KLRG1: variants seen among roughly 807,000 people sequenced by gnomAD.
KLRG1 encodes killer cell lectin-like receptor subfamily G member 1.
Under a neutral mutation model 21.8 loss-of-function variants are expected in KLRG1, and 16 were observed. The observed-to-expected ratio is 0.73, with a 90% CI of 0.50 to 1.11. KLRG1 has a LOEUF of 1.11. Ranked by LOEUF, KLRG1 falls within the 50% of genes most tolerant of loss-of-function variation. KLRG1 has a pLI of 0.00. For missense variants in KLRG1, 173 were observed against 218.3 expected, an observed-to-expected ratio of 0.79 and a Z score of 1.31; for synonymous variants, 69 against 75.9, an observed-to-expected ratio of 0.91 and a Z score of 0.47.
the KLRG1 span, among the ~76,000 whole-genome samples, chr12:9,030,961 C>T: frequency 6.6e-6 from 1 of 152,214 alleles, no homozygotes; most frequent in Non-Finnish European, 1.5e-5. Context: ...AGTGAGCACA[C>T]CAGATAGCAT....
At chr12:9,136,597 T>A in the KLRG1 span, among the ~76,000 whole-genome samples, 1 of 152,326 alleles carries the variant, frequency 6.6e-6, no homozygotes, top group East Asian at 1.9e-4. Flanking sequence ...TATAGATGAA[T>A]ATATACACCA....
chr12:9,151,572 T>A, the KLRG1 span: 1 of 1,586,994 alleles, frequency 6.3e-7, no homozygotes, highest in Non-Finnish European at 8.6e-7. Context: ...ACGACCCATA[T>A]GTAGTCTCAG....
intron 1 of KLRG1, among the ~76,000 whole-genome samples, chr12:8,956,745 C>A (rs1183377182): frequency 6.6e-6 from 1 of 152,246 alleles, no homozygotes; most frequent in East Asian, 1.9e-4. Flanking sequence ...CTGCACCTGA[C>A]CTTTGAAGTT....
intron 1 of KLRG1, among the ~76,000 whole-genome samples, chr12:8,991,827 GGAAAAATTTCTTAA>G (rs1482199031): frequency 1.5e-5 from 1 of 67,424 alleles, no homozygotes; most frequent in Non-Finnish European, 4.6e-5. Context: ...AGTATCTGTA[GGAAAAATTTCTTAA>G]GGAGAAATTT....
the KLRG1 span, among the ~76,000 whole-genome samples, chr12:9,043,776 T>C: frequency 2.6e-5 from 4 of 152,398 alleles, no homozygotes; most frequent in African/African-American, 9.6e-5. Flanking sequence ...ACATGACTTC[T>C]GCGGCCAATT....
chr12:9,028,449 CT>C, the KLRG1 span, among the ~76,000 whole-genome samples: 46,652 of 144,160 alleles, frequency 0.32, 7,357 homozygotes, highest in Admixed American at 0.38. Context: ...CACGCCAGGC[CT>C]TTTTTTTTTT....
chr12:9,077,453 A>G, the KLRG1 span: 4 of 1,582,028 alleles, frequency 2.5e-6, no homozygotes, highest in East Asian at 9.0e-5. Context: ...TGAATAATTC[A>G]ACTTCTGAGA....
At chr12:9,192,782 T>A in the KLRG1 span, 1 of 1,385,990 alleles carries the variant, frequency 7.2e-7, no homozygotes, top group Non-Finnish European at 1.0e-6. Context: ...GTCTTGAAAT[T>A]CTTCACCTTA....
chr12:8,970,292 A>T (rs1244241183), intron 1 of KLRG1: 1 of 152,242 alleles, frequency 6.6e-6, no homozygotes, highest in Non-Finnish European at 1.5e-5. Flanking sequence ...AGAAGTGAGT[A>T]GTTGTGGGAG....
At chr12:8,992,373 G>A in intron 2 of KLRG1, 63 bp downstream of exon 2, 2 of 1,188,924 alleles carry the variant, frequency 1.7e-6, no homozygotes, top group East Asian at 4.8e-5. Context: ...ATATAACATA[G>A]CAGAAGCTTT....
chr12:8,972,665 T>C (rs1946590770), intron 1 of KLRG1, among the ~76,000 whole-genome samples: 1 of 152,150 alleles, frequency 6.6e-6, no homozygotes, highest in Non-Finnish European at 1.5e-5. Context: ...CATCCATTGG[T>C]TTATATGTCT....
the KLRG1 span, among the ~76,000 whole-genome samples, chr12:9,021,828 G>T: frequency 6.6e-6 from 1 of 152,116 alleles, no homozygotes; most frequent in Admixed American, 6.5e-5. Flanking sequence ...CGGAAGTAAG[G>T]CATGGAGCTG....
chr12:9,028,228 T>C, the KLRG1 span: 7 of 527,656 alleles, frequency 1.3e-5, no homozygotes, highest in Non-Finnish European at 2.0e-5. Flanking sequence ...CTCGGCTCAC[T>C]GCAACCTCTG....
chr12:8,999,594 G>C (rs1419957787), intron 3 of KLRG1, among the ~76,000 whole-genome samples: 1 of 152,152 alleles, frequency 6.6e-6, no homozygotes, highest in Admixed American at 6.6e-5. Flanking sequence ...TCACTTTTCT[G>C]TATATTTTTA....
the KLRG1 span, chr12:9,169,947 A>G: frequency 6.2e-6 from 1 of 162,150 alleles, no homozygotes; most frequent in Non-Finnish European, 1.3e-5. Context: ...GCTACATATT[A>G]TTATTGCCAC....
chr12:9,089,883 A>G, the KLRG1 span: 1 of 1,586,682 alleles, frequency 6.3e-7, no homozygotes, highest in Non-Finnish European at 8.6e-7. Context: ...TGGACTATAT[A>G]TTATTTAGGT....
At chr12:9,199,643 C>T in the KLRG1 span, among the ~76,000 whole-genome samples, 10 of 151,880 alleles carry the variant, frequency 6.6e-5, no homozygotes, top group African/African-American at 2.2e-4. Flanking sequence ...TGATCTTCAG[C>T]GAAATGTCAT....
the KLRG1 span, chr12:9,115,693 G>A: frequency 2.6e-6 from 3 of 1,147,388 alleles, no homozygotes; most frequent in Non-Finnish European, 3.9e-6. Flanking sequence ...AAAAAGGAAT[G>A]ATATAAAGAA....
the KLRG1 span, chr12:9,154,790 C>G: frequency 5.6e-6 from 9 of 1,613,928 alleles, no homozygotes; most frequent in East Asian, 2.0e-4. Context: ...GGTAAAGATG[C>G]CCCACTGGTG....
Sources: allele counts gnomAD v4.1 joint callset (sites outside exome capture counted in the v4.1 genomes callset), GRCh38; gene constraint gnomAD v4.1.1; transcripts MANE v1.5; gene names NCBI Gene and HGNC (gene_info 2026-07-23, HGNC 2026-07-21).